RARB: variants seen among roughly 807,000 people sequenced by gnomAD.
RARB encodes the protein HBV-activated protein.
In RARB, 17 loss-of-function variants were observed where a neutral mutation model predicts 51.9. That is an observed-to-expected ratio of 0.33 (90% CI 0.22 to 0.49). RARB has a LOEUF of 0.49. Ranked by LOEUF, RARB falls within the 20% of genes least tolerant of loss-of-function variation. The pLI, the probability that RARB is intolerant of heterozygous loss-of-function variation, is 0.99. For synonymous variants in RARB, 215 were observed against 195.4 expected (o/e 1.10, Z -0.84); for missense variants, 369 against 550.8 (o/e 0.67, Z 3.30).
chr3:25,465,701 G>A (rs973924404), intron 2 of RARB, among the ~76,000 whole-genome samples: 1 of 152,080 alleles, frequency 6.6e-6, no homozygotes, highest in Non-Finnish European at 1.5e-5. Flanking sequence ...CACACTGTAG[G>A]GATGCCCTGT....
At chr3:24,900,893 TA>T (rs1285182495) in intron 2 of RARB, among the ~76,000 whole-genome samples, 1 of 152,208 alleles carries the variant, frequency 6.6e-6, no homozygotes, top group Non-Finnish European at 1.5e-5. Context: ...CTCTTAGTTT[TA>T]AAAATAACAA....
chr3:25,218,990 C>G (rs1701890157), intron 5 of RARB, among the ~76,000 whole-genome samples: 1 of 152,156 alleles, frequency 6.6e-6, no homozygotes, highest in African/African-American at 2.4e-5. Flanking sequence ...GGATTTCCAG[C>G]TGATACAGGC....
At chr3:24,982,263 T>C (rs1696694099) in intron 2 of RARB, among the ~76,000 whole-genome samples, 1 of 152,206 alleles carries the variant, frequency 6.6e-6, no homozygotes, top group Non-Finnish European at 1.5e-5. Context: ...GCTGCAACTC[T>C]GAACCAGGTG....
At chr3:25,445,623 C>T (rs1320924262) in intron 1 of RARB, among the ~76,000 whole-genome samples, 2 of 151,898 alleles carry the variant, frequency 1.3e-5, no homozygotes, top group Non-Finnish European at 2.9e-5. Flanking sequence ...GCCGAGGTCG[C>T]GCCACTGCAC....
intron 4 of RARB, among the ~76,000 whole-genome samples, chr3:25,141,707 A>G (rs1265500993): frequency 6.6e-6 from 1 of 152,244 alleles, no homozygotes; most frequent in Admixed American, 6.5e-5. Flanking sequence ...TTTAAAAATC[A>G]TATTTTCTTA....
At chr3:25,524,822 T>C (rs113704042) in intron 3 of RARB, among the ~76,000 whole-genome samples, 11,247 of 152,104 alleles carry the variant, frequency 0.074, 512 homozygotes, top group African/African-American at 0.13. Context: ...CTCTGCCTCC[T>C]GGGTTCAAGT....
chr3:25,422,862 T>A (rs1707898193), intron 5 of RARB, among the ~76,000 whole-genome samples: 1 of 152,186 alleles, frequency 6.6e-6, no homozygotes. Context: ...CAATGTAGAA[T>A]TCTGTGAAAT....
chr3:25,127,819 T>C (rs1156658057), intron 3 of RARB, among the ~76,000 whole-genome samples: 1 of 152,070 alleles, frequency 6.6e-6, no homozygotes, highest in Non-Finnish European at 1.5e-5. Context: ...TTATATATAG[T>C]TTAAAGGCCT....
In RARB at chr3:25,144,123, T is replaced by C. The variant is rs140158409; in HGVS notation, c.-280+11915T>C. On this transcript the variant is annotated intron_variant, in intron 4 of 11. Transcript: ENST00000383772. The stretch of plus-strand genomic sequence containing the variant: ...CTTAGTTCATACATTCAACAGAATT[T>C]GTTGAGCAACTACTTATATAAGGTT... Among the ~76,000 whole-genome samples the C allele has an allele frequency of 9.8e-5, 15 of 152,310 alleles. No homozygotes were observed. In the East Asian group the frequency reaches 2.7e-3, roughly 27 times the overall value.
intron 5 of RARB, among the ~76,000 whole-genome samples, chr3:25,361,123 C>G (rs769637708): frequency 2.6e-5 from 4 of 152,132 alleles, no homozygotes; most frequent in Non-Finnish European, 5.9e-5. Context: ...ACCAATCAAA[C>G]GTAGGTTTGG....
At chr3:25,174,446 A>T in exon 5 of RARB, 1 of 1,352,126 alleles carries the variant, frequency 7.4e-7, no homozygotes. Context: ...GAACGGACAC[A>T]TGACTCACTA....
At chr3:25,533,693 GC>G (rs1309679034) in intron 3 of RARB, among the ~76,000 whole-genome samples, 1 of 152,140 alleles carries the variant, frequency 6.6e-6, no homozygotes, top group Non-Finnish European at 1.5e-5. Context: ...CATAGAGGGA[GC>G]AAAAAGAACC....
chr3:25,074,940 A>G (rs991714965), intron 3 of RARB, among the ~76,000 whole-genome samples: 1 of 152,242 alleles, frequency 6.6e-6, no homozygotes, highest in Non-Finnish European at 1.5e-5. Flanking sequence ...ACATTTCTCA[A>G]TCTTGGTTCC....
At chr3:25,387,730 C>G (rs1353869054) in intron 5 of RARB, among the ~76,000 whole-genome samples, 1 of 152,140 alleles carries the variant, frequency 6.6e-6, no homozygotes, top group East Asian at 1.9e-4. Context: ...ATAATGAGGT[C>G]TCACTTCAGC....
At chr3:25,336,876 G>T (rs2125448411) in intron 5 of RARB, among the ~76,000 whole-genome samples, 1 of 152,284 alleles carries the variant, frequency 6.6e-6, no homozygotes, top group East Asian at 1.9e-4. Flanking sequence ...AGAGTGTCCT[G>T]CTGTGCTCCT....
At chr3:25,449,076 G>T (rs1225747184) in intron 1 of RARB, among the ~76,000 whole-genome samples, 1 of 152,100 alleles carries the variant, frequency 6.6e-6, no homozygotes, top group Non-Finnish European at 1.5e-5. Flanking sequence ...AGGAGAACCT[G>T]CGTAGGGGCT....
chr3:25,250,035 G>C (rs1327968753), intron 5 of RARB, among the ~76,000 whole-genome samples: 7 of 152,274 alleles, frequency 4.6e-5, no homozygotes, highest in Non-Finnish European at 7.4e-5. Context: ...TTGATTAATG[G>C]CAGTAGCAGT....
At chr3:25,012,629 A>G (rs926757155) in intron 2 of RARB, among the ~76,000 whole-genome samples, 1 of 152,110 alleles carries the variant, frequency 6.6e-6, no homozygotes, top group Non-Finnish European at 1.5e-5. Flanking sequence ...GCATATTTTG[A>G]CTTTCTAATG....
intron 2 of RARB, among the ~76,000 whole-genome samples, chr3:25,049,222 C>A (rs1351142002): frequency 6.6e-6 from 1 of 152,088 alleles, no homozygotes; most frequent in East Asian, 1.9e-4. Context: ...AACTAAGGAA[C>A]TGGGAGAAAG....
Sources: gnomAD v4.1 joint callset for allele counts (sites outside exome capture counted in the v4.1 genomes callset) on GRCh38, gnomAD v4.1.1 for gene constraint, MANE v1.5 for transcripts, NCBI Gene and HGNC (gene_info 2026-07-23, HGNC 2026-07-21) for gene names.